The following SNTG1 variants were observed in gnomAD, a reference collection of about 807,000 sequenced individuals.
SNTG1 encodes the protein gamma-1-syntrophin.
SNTG1 carries 39 observed loss-of-function variants against 74.7 expected under a neutral mutation model. The observed-to-expected ratio is 0.52, with a 90% confidence interval of 0.40 to 0.68. The LOEUF is 0.68. Ranked by LOEUF, SNTG1 falls within the 30% of genes least tolerant of loss-of-function variation. SNTG1 has a pLI of 0.00. For missense variants in SNTG1, 685 were observed against 609.5 expected, an observed-to-expected ratio of 1.12 and a Z score of -1.30; for synonymous variants, 254 against 217.1, an observed-to-expected ratio of 1.17 and a Z score of -1.49.
chr8:50,401,582 A>C, intron 3 of SNTG1, among the ~76,000 whole-genome samples: 1 of 151,508 alleles, frequency 6.6e-6, no homozygotes, highest in East Asian at 1.9e-4. Context: ...CCTTCTAGGT[A>C]TAAACTGTGT....
intron 1 of SNTG1, among the ~76,000 whole-genome samples, chr8:50,114,011 G>A (rs1333552425): frequency 1.3e-5 from 2 of 151,872 alleles, no homozygotes; most frequent in African/African-American, 2.4e-5. Flanking sequence ...ATCACAAAAC[G>A]ACGTTTGACA....
intron 17 of SNTG1, 36 bp from the exon 18 acceptor site, chr8:50,751,965 T>A (rs1448833347): frequency 7.8e-7 from 1 of 1,285,922 alleles, no homozygotes; most frequent in South Asian, 1.5e-5. Flanking sequence ...AGATATTAAT[T>A]CCACCGACTT....
chr8:50,622,789 G>GA (rs1294342643), intron 13 of SNTG1, among the ~76,000 whole-genome samples: 31 of 152,138 alleles, frequency 2.0e-4, no homozygotes, highest in African/African-American at 6.3e-4. Flanking sequence ...GACATTAGCA[G>GA]ATGAAATTTC....
intron 1 of SNTG1, among the ~76,000 whole-genome samples, chr8:49,943,233 T>A (rs1808861311): frequency 6.6e-6 from 1 of 152,136 alleles, no homozygotes; most frequent in South Asian, 2.1e-4. Flanking sequence ...AGGGATTACA[T>A]CCAAATTATG....
At chr8:50,512,623 T>G (rs2094091318) in intron 9 of SNTG1, among the ~76,000 whole-genome samples, 1 of 152,248 alleles carries the variant, frequency 6.6e-6, no homozygotes, top group Non-Finnish European at 1.5e-5. Flanking sequence ...TTCTTTTTAT[T>G]CTTTTTTCTC....
intron 9 of SNTG1, among the ~76,000 whole-genome samples, chr8:50,524,299 A>G (rs2094203250): frequency 1.3e-5 from 2 of 152,102 alleles, no homozygotes; most frequent in East Asian, 1.9e-4. Flanking sequence ...CTGTTGGGGA[A>G]TGAAATATAG....
intron 4 of SNTG1, among the ~76,000 whole-genome samples, chr8:50,431,438 C>T (rs138416565): frequency 6.6e-6 from 1 of 152,244 alleles, no homozygotes; most frequent in Non-Finnish European, 1.5e-5. Flanking sequence ...TTTATTCATT[C>T]ACTTATTGAA....
At chr8:50,046,427 A>G (rs1269992444) in intron 1 of SNTG1, among the ~76,000 whole-genome samples, 1 of 152,182 alleles carries the variant, frequency 6.6e-6, no homozygotes, top group Non-Finnish European at 1.5e-5. Context: ...GCAAGCTCAT[A>G]ATTTGTAAAG....
At chr8:50,283,368 A>G (rs1251076019) in intron 2 of SNTG1, among the ~76,000 whole-genome samples, 1 of 152,218 alleles carries the variant, frequency 6.6e-6, no homozygotes, top group Non-Finnish European at 1.5e-5. Flanking sequence ...CATTTGTATT[A>G]TAGTTGCTCA....
chr8:49,938,557 G>GTTTTCTTTTGTTTTCTTTTCTTTTC (rs1808307541), intron 1 of SNTG1, among the ~76,000 whole-genome samples: 1 of 127,228 alleles, frequency 7.9e-6, no homozygotes, highest in African/African-American at 3.1e-5. Flanking sequence ...CTTTTCTTTT[G>GTTTTCTTTTGTTTTCTTTTCTTTTC]TTTTCTTTTC....
rs947045154 is a variant in SNTG1 at position 50,694,153 on chromosome 8, A to G, written c.1039-10447A>G. 2.0e-5 allele frequency among the ~76,000 whole-genome samples: 3 copies of G among 151,980 alleles called. No homozygotes were observed. The East Asian group carries it at 5.8e-4, about 29-fold the overall frequency. ...CTAGAAAAGAAAGACCAAGGAAATG[A>G]AGTTTTTTTTTTTGAAAAAATGTAT... On this transcript the variant is annotated intron_variant, in intron 15 of 18. Coordinates refer to ENST00000642720, the MANE Select transcript of SNTG1 (RefSeq NM_018967.5).
chr8:50,672,685 G>A (rs1050673234), intron 15 of SNTG1, among the ~76,000 whole-genome samples: 2 of 152,096 alleles, frequency 1.3e-5, no homozygotes, highest in Admixed American at 1.3e-4. Flanking sequence ...AAGCTCTTTA[G>A]TTTAATTAGA....
intron 13 of SNTG1, among the ~76,000 whole-genome samples, chr8:50,638,910 C>T (rs1464763852): frequency 1.3e-5 from 2 of 152,002 alleles, no homozygotes; most frequent in Admixed American, 6.6e-5. Context: ...AGATTACATC[C>T]AACTAGACCC....
intron 4 of SNTG1, among the ~76,000 whole-genome samples, chr8:50,418,567 T>A (rs1300212365): frequency 1.6e-4 from 25 of 152,150 alleles, no homozygotes. Context: ...CCAGCTTATA[T>A]CTTACCCTGT....
At chr8:50,686,549 TAAAG>T (rs1322128346) in intron 15 of SNTG1, among the ~76,000 whole-genome samples, 27 of 152,194 alleles carry the variant, frequency 1.8e-4, no homozygotes, top group Admixed American at 4.6e-4. Flanking sequence ...AACTCAGAAA[TAAAG>T]AATTAATTTG....
intron 13 of SNTG1, among the ~76,000 whole-genome samples, chr8:50,633,963 A>G (rs2095021865): frequency 6.6e-6 from 1 of 152,192 alleles, no homozygotes. Context: ...CATAAGTGCC[A>G]AAGGGGAGTC....
At chr8:50,021,828 C>A (rs1022804134) in intron 1 of SNTG1, among the ~76,000 whole-genome samples, 19 of 151,470 alleles carry the variant, frequency 1.3e-4, no homozygotes, top group African/African-American at 4.4e-4. Flanking sequence ...GTAGCCCCAG[C>A]TAATTGCAAT....
At chr8:50,304,479 T>C (rs1474449455) in intron 2 of SNTG1, among the ~76,000 whole-genome samples, 1 of 152,204 alleles carries the variant, frequency 6.6e-6, no homozygotes, top group Non-Finnish European at 1.5e-5. Context: ...TTGTATCAAC[T>C]GATTTTTTTC....
intron 1 of SNTG1, among the ~76,000 whole-genome samples, chr8:49,942,449 A>G: frequency 6.6e-6 from 1 of 152,254 alleles, no homozygotes; most frequent in South Asian, 2.1e-4. Context: ...ATATTTTCTA[A>G]AATTAATAAA....
Sources: allele counts gnomAD v4.1 joint callset (sites outside exome capture counted in the v4.1 genomes callset), GRCh38; gene constraint gnomAD v4.1.1; transcripts MANE v1.5; gene names NCBI Gene and HGNC (gene_info 2026-07-23, HGNC 2026-07-21).